ZNF804B: variants seen among roughly 807,000 people sequenced by gnomAD.
The protein encoded by ZNF804B is zinc finger protein 804B.
ZNF804B carries 80 observed loss-of-function variants against 101.4 expected under a neutral mutation model. The observed-to-expected ratio is 0.79, with a 90% CI of 0.66 to 0.95. The LOEUF is 0.95. Among genes scored for constraint, ZNF804B ranks in the 40% least tolerant of loss-of-function variants. The pLI is 0.00. For synonymous variants in ZNF804B, 622 were observed against 558.8 expected, an observed-to-expected ratio of 1.11 and a Z score of -1.59; for missense variants, 1,673 against 1,561.9, an observed-to-expected ratio of 1.07 and a Z score of -1.20.
At chr7:88,947,887 G>A (rs1022931577) in intron 1 of ZNF804B, among the ~76,000 whole-genome samples, 4 of 151,842 alleles carry the variant, frequency 2.6e-5, no homozygotes, top group African/African-American at 4.8e-5. Context: ...ATCCACAGGG[G>A]TCATGCAACC....
chr7:89,200,640 C>T (rs918590347), intron 1 of ZNF804B, among the ~76,000 whole-genome samples: 1 of 151,964 alleles, frequency 6.6e-6, no homozygotes, highest in Non-Finnish European at 1.5e-5. Context: ...CATGAACAAT[C>T]TTAGAAGAAA....
chr7:88,858,594 C>G (rs1272150343), intron 1 of ZNF804B, among the ~76,000 whole-genome samples: 3 of 151,890 alleles, frequency 2.0e-5, no homozygotes, highest in African/African-American at 7.3e-5. Flanking sequence ...TGTAGGATCC[C>G]TGAAGTGGTA....
chr7:89,335,781 A>G lies in ZNF804B; in HGVS notation c.2799A>G (p.Gln933=), dbSNP rs1791071947. 6.2e-7 allele frequency: 1 copy of G among 1,613,980 alleles called. No homozygotes were observed. Among genetic ancestry groups the G allele is most frequent in the African/African-American group, 1.3e-5 (1 of 74,914 alleles). The change falls in exon 4 of 4, where the codon CAA becomes CAG. Residue 933 remains glutamine, a synonymous_variant. Transcript: ENST00000333190. Reference sequence around the variant, plus strand: ...CAAAAATCCTTTTAGAAAGAGTACAAGCCAAGAAATGTCAAGAACAATCAA... The same window carrying G: ...CAAAAATCCTTTTAGAAAGAGTACAGGCCAAGAAATGTCAAGAACAATCAA... The part of the protein sequence containing the change: ...LTAKILLERV[Q]AKKCQEQSSN...
At chr7:89,042,099 A>G (rs1310972237) in intron 1 of ZNF804B, among the ~76,000 whole-genome samples, 1 of 152,204 alleles carries the variant, frequency 6.6e-6, no homozygotes, top group African/African-American at 2.4e-5. Flanking sequence ...TATAAATAGT[A>G]GCAAGTATTG....
At chr7:89,275,849 A>G (rs1036240374) in intron 2 of ZNF804B, among the ~76,000 whole-genome samples, 10 of 151,794 alleles carry the variant, frequency 6.6e-5, no homozygotes, top group African/African-American at 2.2e-4. Context: ...TCGCCTAGAA[A>G]TGTTACCTGC....
intron 1 of ZNF804B, among the ~76,000 whole-genome samples, chr7:89,174,764 C>G (rs902786780): frequency 1.1e-4 from 16 of 151,826 alleles, no homozygotes; most frequent in African/African-American, 3.9e-4. Flanking sequence ...TTTGTTATTG[C>G]CTGTCTTTTG....
At chr7:88,892,962 G>A (rs1286575179) in intron 1 of ZNF804B, among the ~76,000 whole-genome samples, 1 of 152,078 alleles carries the variant, frequency 6.6e-6, no homozygotes, top group Non-Finnish European at 1.5e-5. Flanking sequence ...TTCTCCCATT[G>A]TCTTCCTATC....
intron 3 of ZNF804B, among the ~76,000 whole-genome samples, chr7:89,332,634 A>G (rs573927173): frequency 6.6e-6 from 1 of 151,882 alleles, no homozygotes; most frequent in Non-Finnish European, 1.5e-5. Flanking sequence ...TTCTGTATGA[A>G]TTGCTAATGA....
At chr7:88,976,476 G>C (rs114920733) in intron 1 of ZNF804B, among the ~76,000 whole-genome samples, 1 of 151,166 alleles carries the variant, frequency 6.6e-6, no homozygotes, top group African/African-American at 2.4e-5. Flanking sequence ...TTAATTCCCA[G>C]ATACTTGATT....
intron 1 of ZNF804B, among the ~76,000 whole-genome samples, chr7:88,760,710 A>G (rs1358537384): frequency 6.6e-6 from 1 of 151,726 alleles, no homozygotes; most frequent in East Asian, 1.9e-4. Context: ...TAACTTAGTA[A>G]ACTATTCAAT....
chr7:88,836,760 G>C (rs1165319202), intron 1 of ZNF804B, among the ~76,000 whole-genome samples: 1 of 151,632 alleles, frequency 6.6e-6, no homozygotes, highest in Non-Finnish European at 1.5e-5. Context: ...ATTCTGTCCT[G>C]CAAACACTTG....
At chr7:89,220,738 G>A (rs1584064763) in intron 2 of ZNF804B, among the ~76,000 whole-genome samples, 3 of 151,980 alleles carry the variant, frequency 2.0e-5, no homozygotes, top group East Asian at 3.9e-4. Flanking sequence ...TAAATGATTT[G>A]TAAATTTGAG....
At chr7:89,206,120 G>A (rs1302070417) in intron 1 of ZNF804B, among the ~76,000 whole-genome samples, 2 of 152,202 alleles carry the variant, frequency 1.3e-5, no homozygotes, top group African/African-American at 2.4e-5. Flanking sequence ...TGGAGCAGCT[G>A]GGACACAAGA....
chr7:88,918,151 G>A (rs1482011795), intron 1 of ZNF804B, among the ~76,000 whole-genome samples: 2 of 151,974 alleles, frequency 1.3e-5, no homozygotes, highest in African/African-American at 4.8e-5. Flanking sequence ...ACCTTCAGCA[G>A]CAGTGCCAAT....
intron 1 of ZNF804B, among the ~76,000 whole-genome samples, chr7:88,998,418 G>A (rs1467268654): frequency 6.6e-6 from 1 of 152,032 alleles, no homozygotes; most frequent in Non-Finnish European, 1.5e-5. Context: ...GACACTGGAT[G>A]GAAATGTGCA....
At chr7:88,778,946 C>A (rs1249449059) in intron 1 of ZNF804B, among the ~76,000 whole-genome samples, 2 of 152,166 alleles carry the variant, frequency 1.3e-5, no homozygotes, top group Admixed American at 6.6e-5. Context: ...CATGGCTCCC[C>A]AGTTCCATTT....
chr7:89,335,151 A>C lies in ZNF804B; in HGVS notation c.2169A>C (p.Arg723Ser). The C allele has an allele frequency of 6.2e-7, 1 of 1,613,904 alleles. No individual in the cohort carries two copies. Among genetic ancestry groups the C allele is most frequent in the East Asian group, 2.2e-5 (1 of 44,858 alleles). ...CCCCTAGCAGCATGTCTAGCTTGAG[A>C]AGTACTTGTTCAAGTCATAGATTCA... ...DTSPSSMSSLRSTCSSHRFNG... is the reference protein window; with the variant it reads ...DTSPSSMSSLSSTCSSHRFNG... The change falls in exon 4 of 4, where the codon AGA (arginine) becomes AGC (serine). Residue 723 changes from arginine to serine, a missense_variant. Coordinates refer to ENST00000333190, the MANE Select transcript of ZNF804B (RefSeq NM_181646.5).
chr7:89,215,914 A>AATACATAAATAAATAC (rs1554379499), intron 1 of ZNF804B, among the ~76,000 whole-genome samples: 1 of 150,478 alleles, frequency 6.6e-6, no homozygotes, highest in African/African-American at 2.4e-5. Flanking sequence ...TAAATAAATA[A>AATACATAAATAAATAC]ATAAATAAAT....
intron 1 of ZNF804B, among the ~76,000 whole-genome samples, chr7:89,128,151 A>T (rs1479944761): frequency 6.6e-6 from 1 of 151,744 alleles, no homozygotes; most frequent in Non-Finnish European, 1.5e-5. Context: ...GATTTTTTTT[A>T]GTATAAAATC....
Sources: allele counts gnomAD v4.1 joint callset (sites outside exome capture counted in the v4.1 genomes callset), GRCh38; gene constraint gnomAD v4.1.1; transcripts MANE v1.5; gene names NCBI Gene and HGNC (gene_info 2026-07-23, HGNC 2026-07-21).